The following ATRNL1 variants were observed in gnomAD, a reference collection of about 807,000 sequenced individuals.
The protein encoded by ATRNL1 is attractin-like protein 1.
ATRNL1 carries 95 observed loss-of-function variants against 182.7 expected under a neutral mutation model. The ratio of observed to expected loss-of-function variants is 0.52; its 90% CI spans 0.44 to 0.62. The LOEUF (loss-of-function observed/expected upper bound fraction) is 0.62. Ranked by LOEUF, ATRNL1 falls within the 20% of genes least tolerant of loss-of-function variation. The pLI, the probability that ATRNL1 is intolerant of heterozygous loss-of-function variation, is 0.00. For missense variants in ATRNL1, 1,471 were observed against 1,679.5 expected (o/e 0.88, Z 2.17); for synonymous variants, 576 against 568.3 (o/e 1.01, Z -0.19).
intron 28 of ATRNL1, among the ~76,000 whole-genome samples, chr10:115,904,076 A>C (rs1952432385): frequency 6.6e-6 from 1 of 152,128 alleles, no homozygotes; most frequent in Non-Finnish European, 1.5e-5. Context: ...GGGGAAGGCT[A>C]AAGGAAGGAA....
chr10:115,646,582 C>T (rs1859627577), intron 26 of ATRNL1, among the ~76,000 whole-genome samples: 1 of 151,832 alleles, frequency 6.6e-6, no homozygotes, highest in African/African-American at 2.4e-5. Flanking sequence ...GTGGTCATAC[C>T]TGCTTGGAAG....
chr10:115,597,474 G>A (rs1172148244), intron 26 of ATRNL1: 3 of 327,168 alleles, frequency 9.2e-6, no homozygotes, highest in Admixed American at 4.5e-5. Flanking sequence ...AATGGCAATC[G>A]AATACAAATG....
chr10:115,357,956 A>G (rs1554943258), intron 19 of ATRNL1, among the ~76,000 whole-genome samples: 1 of 151,642 alleles, frequency 6.6e-6, no homozygotes. Context: ...TTTCAAAAGC[A>G]TCTTCTTATT....
intron 26 of ATRNL1, among the ~76,000 whole-genome samples, chr10:115,643,793 CCAAA>C (rs1242996193): frequency 6.6e-5 from 10 of 151,940 alleles, no homozygotes; most frequent in African/African-American, 9.7e-5. Context: ...ATGCACACCC[CCAAA>C]CAAACAAACA....
chr10:115,581,242 C>G (rs536543684), intron 26 of ATRNL1, among the ~76,000 whole-genome samples: 1 of 151,726 alleles, frequency 6.6e-6, no homozygotes, highest in African/African-American at 2.4e-5. Context: ...ATCTTAATCT[C>G]TTTTTTTTCA....
intron 27 of ATRNL1, among the ~76,000 whole-genome samples, chr10:115,734,177 A>G (rs889245140): frequency 4.9e-5 from 6 of 123,524 alleles, no homozygotes; most frequent in Non-Finnish European, 9.3e-5. Flanking sequence ...ATATAACTCG[A>G]TCTTACTTTA....
At chr10:115,584,354 A>G (rs1363557917) in intron 26 of ATRNL1, among the ~76,000 whole-genome samples, 1 of 125,338 alleles carries the variant, frequency 8.0e-6, no homozygotes, top group African/African-American at 2.7e-5. Flanking sequence ...CTCTGGTAGA[A>G]TTCGGCTGTG....
chr10:115,152,835 C>A (rs782006361), intron 5 of ATRNL1, among the ~76,000 whole-genome samples: 2 of 151,856 alleles, frequency 1.3e-5, no homozygotes, highest in East Asian at 3.9e-4. Flanking sequence ...CATTCAATAT[C>A]ATATTGGCTG....
intron 5 of ATRNL1, among the ~76,000 whole-genome samples, chr10:115,152,344 C>T (rs554810761): frequency 4.1e-4 from 63 of 152,150 alleles, no homozygotes; most frequent in Admixed American, 7.2e-4. Flanking sequence ...TCCCTGTCCA[C>T]GAGCATGGAA....
At chr10:115,872,062 A>T (rs1226795796) in intron 28 of ATRNL1, among the ~76,000 whole-genome samples, 1 of 152,174 alleles carries the variant, frequency 6.6e-6, no homozygotes, top group Non-Finnish European at 1.5e-5. Flanking sequence ...GAAGCCATTA[A>T]AGACTTATTG....
At chr10:115,636,429 A>T (rs568995936) in intron 26 of ATRNL1, among the ~76,000 whole-genome samples, 1 of 152,320 alleles carries the variant, frequency 6.6e-6, no homozygotes, top group Admixed American at 6.5e-5. Flanking sequence ...AATGTACTGT[A>T]AGACCAACAT....
intron 27 of ATRNL1, among the ~76,000 whole-genome samples, chr10:115,787,488 G>A (rs1266609907): frequency 2.6e-5 from 4 of 151,960 alleles, no homozygotes; most frequent in African/African-American, 9.7e-5. Context: ...TGGTTTTTGT[G>A]CAGGCTTTTT....
In ATRNL1 at chr10:115,356,059, T is replaced by C. The variant is rs138508970; in HGVS notation, c.3175+21640T>C. On this transcript the variant is annotated intron_variant, in intron 19 of 28. Coordinates refer to ENST00000355044, the MANE Select transcript of ATRNL1 (RefSeq NM_207303.4). ...GTGTTTAATACTTTAATACACACAC[T>C]AGGATGTGACCCAAACATTCTCTGA... is the stretch of plus-strand genomic sequence containing the variant. 4.8e-4 allele frequency among the ~76,000 whole-genome samples: 73 copies of C among 152,226 alleles called. No homozygotes were observed. The East Asian group carries it at 0.013, about 27-fold the overall frequency.
intron 8 of ATRNL1, 118 bp downstream of exon 8, chr10:115,171,410 ATAAT>A (rs782670672): frequency 1.4e-5 from 12 of 872,624 alleles, no homozygotes; most frequent in Middle Eastern, 3.2e-4. Flanking sequence ...TTATAAGCTG[ATAAT>A]TAATAATTTT....
chr10:115,561,731 GGTCA>G (rs1376682602), intron 26 of ATRNL1, among the ~76,000 whole-genome samples: 1 of 149,180 alleles, frequency 6.7e-6, no homozygotes, highest in Non-Finnish European at 1.5e-5. Flanking sequence ...GTGTTTGTGT[GGTCA>G]GTAACTCATG....
At chr10:115,213,978 A>C (rs1849127227) in intron 8 of ATRNL1, among the ~76,000 whole-genome samples, 1 of 151,752 alleles carries the variant, frequency 6.6e-6, no homozygotes, top group Non-Finnish European at 1.5e-5. Flanking sequence ...ACACAGAATG[A>C]TGCCCCAAAT....
chr10:115,183,784 G>A (rs1030311473), intron 8 of ATRNL1, among the ~76,000 whole-genome samples: 3 of 151,466 alleles, frequency 2.0e-5, no homozygotes, highest in African/African-American at 2.4e-5. Context: ...AATGATAAAG[G>A]AAGGAAACTT....
chr10:115,632,220 T>G (rs1858558625), intron 26 of ATRNL1, among the ~76,000 whole-genome samples: 1 of 152,132 alleles, frequency 6.6e-6, no homozygotes. Flanking sequence ...TATAGGCAAG[T>G]AATCCAGTGA....
At chr10:115,887,328 A>T (rs1247723409) in intron 28 of ATRNL1, among the ~76,000 whole-genome samples, 1 of 152,216 alleles carries the variant, frequency 6.6e-6, no homozygotes, top group Non-Finnish European at 1.5e-5. Context: ...TGGGTAGCTT[A>T]TAAGCAACAA....
Sources: gnomAD v4.1 joint callset for allele counts (sites outside exome capture counted in the v4.1 genomes callset) on GRCh38, gnomAD v4.1.1 for gene constraint, MANE v1.5 for transcripts, NCBI Gene and HGNC (gene_info 2026-07-23, HGNC 2026-07-21) for gene names.